ARMC9: variants seen among roughly 807,000 people sequenced by gnomAD.
ARMC9 encodes lisH domain-containing protein ARMC9.
A neutral mutation model predicts 107.0 loss-of-function variants in ARMC9; 94 were observed. The observed-to-expected ratio is 0.88, with a 90% CI of 0.74 to 1.04. ARMC9 has a LOEUF of 1.04. ARMC9 is among the 50% of genes least tolerant of loss of function. The probability of loss-of-function intolerance (pLI) is 0.00; values close to 1 mark genes in which losing one functional copy is unlikely to be tolerated. For synonymous variants in ARMC9, 380 were observed against 396.9 expected, an observed-to-expected ratio of 0.96 and a Z score of 0.51; for missense variants, 942 against 1,030.1, an observed-to-expected ratio of 0.91 and a Z score of 1.17.
chr2:231,297,850 T>C lies in ARMC9; in HGVS notation c.1773+1597T>C, dbSNP rs1424400047. Among the ~76,000 whole-genome samples the C allele has an allele frequency of 6.6e-6, 1 of 152,244 alleles. No individual in the cohort carries two copies. The highest frequency in any genetic ancestry group is 1.5e-5 in the Non-Finnish European group (1 of 68,044). ...TGTTTTTAACAACTTTTTTTCATTG[T>C]GTCCTAAAGTTTGTCTCGAGATCTG... On this transcript the variant is annotated intron_variant, in intron 19 of 24. Coordinates refer to ENST00000611582, the MANE Select transcript of ARMC9 (RefSeq NM_001352754.2). The surrounding 1 kb of genome is among the most constrained non-coding windows in gnomAD (Gnocchi z 4.2).
chr2:231,356,888 C>T (rs1268105381), intron 22 of ARMC9, among the ~76,000 whole-genome samples: 5 of 152,080 alleles, frequency 3.3e-5, no homozygotes, highest in Admixed American at 6.5e-5. Context: ...TGACTGAATG[C>T]CATTGAGTTA....
chr2:231,261,199 G>C (rs535759720), intron 11 of ARMC9, among the ~76,000 whole-genome samples: 1 of 152,158 alleles, frequency 6.6e-6, no homozygotes, highest in African/African-American at 2.4e-5. Context: ...GAAAAAGCAA[G>C]GATATTTGCT....
chr2:231,305,982 GCACTCCAACTTAACTGACGTTTA>G (rs1056173114), intron 19 of ARMC9, among the ~76,000 whole-genome samples: 2 of 152,102 alleles, frequency 1.3e-5, no homozygotes, highest in African/African-American at 2.4e-5. Flanking sequence ...TCTCAAAATT[GCACTCCAACTTAACTGACGTTTA>G]CACTCCAACT....
intron 1 of ARMC9, among the ~76,000 whole-genome samples, chr2:231,204,328 G>T (rs1292345996): frequency 3.9e-5 from 6 of 152,028 alleles, no homozygotes; most frequent in Non-Finnish European, 8.8e-5. Flanking sequence ...ATTGCCTGCT[G>T]CTGTCTGCCT....
chr2:231,334,717 G>A (rs890290102), intron 20 of ARMC9, among the ~76,000 whole-genome samples: 2 of 152,054 alleles, frequency 1.3e-5, no homozygotes, highest in African/African-American at 4.8e-5. Context: ...CTGTTCATGA[G>A]TCATCCCCCA....
chr2:231,270,342 G>A (rs2039219521), intron 12 of ARMC9, among the ~76,000 whole-genome samples: 3 of 152,248 alleles, frequency 2.0e-5, no homozygotes, highest in African/African-American at 7.2e-5. Flanking sequence ...GCCCTGTGCT[G>A]AGAGGTGTGC....
chr2:231,211,163 C>T, intron 3 of ARMC9, among the ~76,000 whole-genome samples: 2 of 149,336 alleles, frequency 1.3e-5, no homozygotes, highest in African/African-American at 2.5e-5. Flanking sequence ...CACACACCCC[C>T]ACAGTTTATC....
intron 1 of ARMC9, among the ~76,000 whole-genome samples, chr2:231,203,458 G>A (rs2031413607): frequency 6.6e-6 from 1 of 152,174 alleles, no homozygotes; most frequent in African/African-American, 2.4e-5. Flanking sequence ...GATGCTCATG[G>A]CTGGCGTGGC....
intron 19 of ARMC9, among the ~76,000 whole-genome samples, chr2:231,328,561 T>C (rs901034006): frequency 2.0e-5 from 3 of 152,154 alleles, no homozygotes; most frequent in African/African-American, 7.2e-5. Context: ...GTTCAATTTC[T>C]CCAGCACTAT....
intron 11 of ARMC9, among the ~76,000 whole-genome samples, chr2:231,259,538 T>C (rs2038146018): frequency 6.6e-6 from 1 of 152,206 alleles, no homozygotes; most frequent in Non-Finnish European, 1.5e-5. Flanking sequence ...CATCGCTACT[T>C]TTCTGCCTGG....
intron 23 of ARMC9, among the ~76,000 whole-genome samples, chr2:231,365,225 G>A (rs367554977): frequency 2.6e-5 from 4 of 152,324 alleles, no homozygotes; most frequent in African/African-American, 9.6e-5. Flanking sequence ...CCGCAGAAAC[G>A]CATGGGACTG....
intron 9 of ARMC9, among the ~76,000 whole-genome samples, chr2:231,243,504 A>G (rs1486763742): frequency 6.6e-6 from 1 of 152,234 alleles, no homozygotes; most frequent in African/African-American, 2.4e-5. Flanking sequence ...AGAAGTTATC[A>G]ATACCATCTG....
chr2:231,289,529 T>C (rs2040843471), intron 17 of ARMC9, among the ~76,000 whole-genome samples: 1 of 152,208 alleles, frequency 6.6e-6, no homozygotes. Flanking sequence ...CTTGATAACT[T>C]TCTCCTTCCT....
chr2:231,200,546 C>T (rs1379503152), intron 1 of ARMC9, among the ~76,000 whole-genome samples: 7 of 152,146 alleles, frequency 4.6e-5, no homozygotes, highest in South Asian at 2.1e-4. Context: ...TGGTGGCGGA[C>T]GCCTGTAATC....
chr2:231,370,211 C>G, intron 24 of ARMC9, 86 bp downstream of exon 24: 4 of 1,390,022 alleles, frequency 2.9e-6, no homozygotes, highest in Non-Finnish European at 2.8e-6. Context: ...TATTTGGCCC[C>G]GTGCTCCTGT....
chr2:231,208,250 C>A lies in ARMC9; in HGVS notation c.175C>A (p.Gln59Lys). 1 of 1,604,798 alleles carries A rather than the reference C, an allele frequency of 6.2e-7. No homozygotes were observed. Among genetic ancestry groups the A allele is most frequent in the South Asian group, 1.1e-5 (1 of 89,438 alleles). Residue 59 changes from glutamine to lysine, a missense_variant and splice_region_variant, in exon 3 of 25, where the codon CAG becomes AAG. Gln to Lys is a moderately conservative substitution (Grantham distance 53, BLOSUM62 1). Transcript: ENST00000611582. The part of the protein sequence containing the change: ...SFRDSKSLTI[Q>K]KDLVAAFDNG... Reference sequence around the variant, plus strand: ...CAGAGACTCCAAATCATTGACAATTCAGGTAACATTTTGCTTATTTTTCAT... The same window carrying A: ...CAGAGACTCCAAATCATTGACAATTAAGGTAACATTTTGCTTATTTTTCAT...
chr2:231,234,909 A>G (rs564139103), intron 7 of ARMC9, among the ~76,000 whole-genome samples: 41 of 152,310 alleles, frequency 2.7e-4, no homozygotes, highest in African/African-American at 6.7e-4. Flanking sequence ...AGCCCTAGAC[A>G]TGTTTATTTT....
At chr2:231,277,420 A>G (rs2039854136) in intron 15 of ARMC9, among the ~76,000 whole-genome samples, 1 of 152,184 alleles carries the variant, frequency 6.6e-6, no homozygotes, top group Admixed American at 6.5e-5. Context: ...CTCCCTGGGT[A>G]AACAGCTGGC....
At chr2:231,229,289 G>A (rs1462311096) in intron 7 of ARMC9, among the ~76,000 whole-genome samples, 4 of 152,176 alleles carry the variant, frequency 2.6e-5, no homozygotes, top group African/African-American at 4.8e-5. Context: ...CATGCCCCCA[G>A]TTTAATTTAA....
Sources: allele counts gnomAD v4.1 joint callset (sites outside exome capture counted in the v4.1 genomes callset), GRCh38; gene constraint gnomAD v4.1.1; non-coding constraint Gnocchi (gnomAD v3.1); transcripts MANE v1.5; gene names NCBI Gene and HGNC (gene_info 2026-07-23, HGNC 2026-07-21).